Variants in STRN3 observed in about 807,000 individuals in gnomAD.
STRN3 encodes the protein striatin-3.
A neutral mutation model predicts 95.6 loss-of-function variants in STRN3; 29 were observed. That is an observed-to-expected ratio of 0.30 (90% CI 0.23 to 0.41). The LOEUF (loss-of-function observed/expected upper bound fraction) is 0.41. STRN3 is among the 10% of genes least tolerant of loss of function. STRN3 has a pLI of 1.00. For missense variants in STRN3, 890 were observed against 972.1 expected (o/e 0.92, Z 1.12); for synonymous variants, 331 against 357.6 (o/e 0.93, Z 0.84).
At chr14:30,963,609 C>T (rs1225870245) in intron 1 of STRN3, among the ~76,000 whole-genome samples, 2 of 152,100 alleles carry the variant, frequency 1.3e-5, no homozygotes, top group African/African-American at 4.8e-5. Context: ...AGGGTTTCAC[C>T]ATGTTGGCCA....
intron 1 of STRN3, among the ~76,000 whole-genome samples, chr14:31,014,970 G>C (rs1883171946): frequency 6.6e-6 from 1 of 152,122 alleles, no homozygotes; most frequent in Admixed American, 6.6e-5. Context: ...TGGGATTACA[G>C]GCATGCGCCA....
At chr14:30,984,930 T>C (rs908040727) in intron 1 of STRN3, among the ~76,000 whole-genome samples, 1 of 152,210 alleles carries the variant, frequency 6.6e-6, no homozygotes, top group African/African-American at 2.4e-5. Flanking sequence ...GGATTAGGCA[T>C]TTAGAAATTC....
intron 1 of STRN3, among the ~76,000 whole-genome samples, chr14:31,021,396 C>CAAT (rs1304943852): frequency 6.6e-6 from 1 of 152,086 alleles, no homozygotes; most frequent in Non-Finnish European, 1.5e-5. Context: ...AAAAAAGACA[C>CAAT]CAATTATACC....
chr14:30,970,480 C>T (rs1273121587), intron 1 of STRN3, among the ~76,000 whole-genome samples: 1 of 152,228 alleles, frequency 6.6e-6, no homozygotes, highest in Non-Finnish European at 1.5e-5. Flanking sequence ...TCAGCTAAAC[C>T]AATGCAATCC....
chr14:31,026,305 G>A lies in STRN3; in HGVS notation c.-120C>T. The A allele has an allele frequency of 8.9e-7, 1 of 1,126,396 alleles. No individual in the cohort carries two copies. The highest frequency in any genetic ancestry group is 1.2e-6 in the Non-Finnish European group (1 of 861,112). 69.8% of individuals were successfully genotyped at this position (1,126,396 alleles called of 1,614,324 possible). On this transcript the variant is annotated 5_prime_UTR_variant, in exon 1 of 18. Coordinates refer to ENST00000357479, the MANE Select transcript of STRN3 (RefSeq NM_001083893.2). The stretch of plus-strand genomic sequence containing the variant: ...CCGGCCGGGAGAGGGGCGGGGAAGG[G>A]GTCGTTGCTGTGTGCCTGCCGTGGG...
chr14:30,950,207 G>A (rs192556179), intron 4 of STRN3, among the ~76,000 whole-genome samples: 2 of 152,210 alleles, frequency 1.3e-5, no homozygotes, highest in East Asian at 1.9e-4. Context: ...CACAGTGGTC[G>A]GAGGTGGAAT....
intron 1 of STRN3, among the ~76,000 whole-genome samples, chr14:31,013,217 A>G (rs1485068532): frequency 1.3e-5 from 2 of 152,032 alleles, no homozygotes; most frequent in Non-Finnish European, 2.9e-5. Flanking sequence ...AACAATAACA[A>G]CAACAAAATT....
rs141471961 is a variant in STRN3, at chr14:30,918,305, G to A, written c.1240+661C>T. Among the ~76,000 whole-genome samples, 1,130 of 152,096 alleles carry A rather than the reference G, an allele frequency of 7.4e-3. 6 individuals are homozygous for A. The highest frequency in any genetic ancestry group is 0.02 in the African/African-American group (842 of 41,490). Reference sequence around the variant, plus strand: ...GCAGATCACTTGAGGTCAGGAGTTCGAGACCAGCCTGGCCAACATGGTAAT... The same window carrying A: ...GCAGATCACTTGAGGTCAGGAGTTCAAGACCAGCCTGGCCAACATGGTAAT... On this transcript the variant is annotated intron_variant, in intron 9 of 17. Coordinates refer to ENST00000357479, the MANE Select transcript of STRN3 (RefSeq NM_001083893.2).
At chr14:30,960,740 G>T (rs1361739402) in intron 1 of STRN3, among the ~76,000 whole-genome samples, 1 of 151,782 alleles carries the variant, frequency 6.6e-6, no homozygotes, top group African/African-American at 2.4e-5. Flanking sequence ...GTGGTGGCGG[G>T]CGCCTGTAAT....
intron 1 of STRN3, chr14:31,014,611 T>A (rs1883152032): frequency 2.3e-6 from 1 of 433,078 alleles, no homozygotes; most frequent in Non-Finnish European, 4.6e-6. Context: ...TATAATTGCT[T>A]TAATTCTAGT....
At chr14:30,982,439 C>T (rs1394229279) in intron 1 of STRN3, among the ~76,000 whole-genome samples, 1 of 152,180 alleles carries the variant, frequency 6.6e-6, no homozygotes, top group African/African-American at 2.4e-5. Context: ...TCCCAAGTAG[C>T]TGGGACTACA....
chr14:30,985,358 C>T (rs1368551158), intron 1 of STRN3, among the ~76,000 whole-genome samples: 1 of 150,184 alleles, frequency 6.7e-6, no homozygotes, highest in Non-Finnish European at 1.5e-5. Flanking sequence ...AATCCCAGCA[C>T]TTTTGGGGGC....
chr14:30,944,300 T>C (rs944159159), intron 5 of STRN3, among the ~76,000 whole-genome samples: 62 of 152,072 alleles, frequency 4.1e-4, no homozygotes, highest in African/African-American at 1.4e-3. Flanking sequence ...TTTTCTCTTA[T>C]GCTACAAAAC....
Position 30,894,875 on chromosome 14 carries a change from A to T in STRN3, c.*536T>A. The T allele has an allele frequency of 2.4e-6, 2 of 840,326 alleles. No individual in the cohort carries two copies. Among genetic ancestry groups the T allele is most frequent in the Non-Finnish European group, 3.1e-6 (2 of 639,694 alleles). The allele number at this position is 840,326 out of a possible 1,614,324, so 52.1% of individuals were successfully genotyped here. On this transcript the variant is annotated 3_prime_UTR_variant, in exon 18 of 18. Coordinates refer to ENST00000357479, the MANE Select transcript of STRN3 (RefSeq NM_001083893.2). ...TGTGCAACTAATGCTAAAATATTTTAAGTTAAATTTTCTTTTTCTTTTTTT... is the reference window on the plus strand; with the variant it reads ...TGTGCAACTAATGCTAAAATATTTTTAGTTAAATTTTCTTTTTCTTTTTTT...
At chr14:31,003,790 C>A (rs1469130346) in intron 1 of STRN3, among the ~76,000 whole-genome samples, 1 of 43,780 alleles carries the variant, frequency 2.3e-5, no homozygotes, top group Admixed American at 2.5e-4. Context: ...CAAAACACAT[C>A]TTTCTTAAAA....
chr14:30,948,173 T>A (rs1299480189), intron 4 of STRN3, among the ~76,000 whole-genome samples: 1 of 152,200 alleles, frequency 6.6e-6, no homozygotes, highest in Non-Finnish European at 1.5e-5. Flanking sequence ...CTAGCTTGGA[T>A]GGTTACATGA....
chr14:30,957,803 T>C (rs1879994228), intron 1 of STRN3, among the ~76,000 whole-genome samples: 2 of 152,204 alleles, frequency 1.3e-5, no homozygotes, highest in South Asian at 4.1e-4. Context: ...TATCTACACA[T>C]TGACAATAAA....
chr14:30,940,923 C>G (rs931479269), intron 5 of STRN3, among the ~76,000 whole-genome samples: 1 of 152,062 alleles, frequency 6.6e-6, no homozygotes, highest in Non-Finnish European at 1.5e-5. Context: ...ATTTTGAAAC[C>G]TAATCCCCAA....
intron 1 of STRN3, among the ~76,000 whole-genome samples, chr14:31,017,232 G>A (rs544717312): frequency 1.8e-3 from 274 of 152,236 alleles, no homozygotes; most frequent in Non-Finnish European, 2.7e-3. Context: ...GGGCGCAGTG[G>A]CTCACGCCTG....
Sources: allele counts gnomAD v4.1 joint callset (sites outside exome capture counted in the v4.1 genomes callset), GRCh38; gene constraint gnomAD v4.1.1; transcripts MANE v1.5; gene names NCBI Gene and HGNC (gene_info 2026-07-23, HGNC 2026-07-21).